The following CPVL variants were observed in gnomAD, a reference collection of about 807,000 sequenced individuals.
The protein encoded by CPVL is carboxypeptidase vitellogenic like, also known as probable serine carboxypeptidase CPVL.
CPVL carries 51 observed loss-of-function variants against 63.7 expected under a neutral mutation model. That is an observed-to-expected ratio of 0.80 (90% CI 0.64 to 1.01). The LOEUF (loss-of-function observed/expected upper bound fraction) is 1.01, where lower values mean the gene tolerates loss of function less well. Among genes scored for constraint, CPVL ranks in the 50% least tolerant of loss-of-function variants. The pLI, the probability that CPVL is intolerant of heterozygous loss-of-function variation, is 0.00. For missense variants in CPVL, 530 were observed against 573.1 expected, an observed-to-expected ratio of 0.92 and a Z score of 0.77; for synonymous variants, 195 against 206.0, an observed-to-expected ratio of 0.95 and a Z score of 0.46.
chr7:29,027,381 A>G (rs1288800467), intron 12 of CPVL, among the ~76,000 whole-genome samples: 4 of 152,170 alleles, frequency 2.6e-5, no homozygotes, highest in Non-Finnish European at 5.9e-5. Context: ...CATACTGAAT[A>G]GGGAAAAGCT....
chr7:29,135,457 G>C (rs1791109777), intron 1 of CPVL, among the ~76,000 whole-genome samples: 1 of 151,556 alleles, frequency 6.6e-6, no homozygotes, highest in Non-Finnish European at 1.5e-5. Context: ...TCAGCCTCCT[G>C]AGTAGCTGGG....
At position 29,194,499 on chromosome 7, in the gene CPVL, C is replaced by T. The variant is rs564068890; in HGVS notation, c.-448+578G>A. On this transcript the variant is annotated intron_variant, in intron 1 of 16. Transcript: ENST00000409850. ...CTGTCCGTCTCCCGCCGCCTCTGCC[C>T]GGTCTACTCGAAGTGCGGCGGGAGA... is the stretch of plus-strand genomic sequence containing the variant. 45 of 163,678 alleles carry T rather than the reference C, an allele frequency of 2.7e-4. 1 individual carries two copies. Among genetic ancestry groups the T allele is most frequent in the Middle Eastern group, 2.9e-3 (1 of 350 alleles). 10.1% of individuals were successfully genotyped at this position (163,678 alleles called of 1,614,324 possible). A position where few individuals can be genotyped will look rare whatever the true frequency, so the allele number is the denominator to read the frequency against.
intron 12 of CPVL, among the ~76,000 whole-genome samples, chr7:29,015,947 T>C (rs317693): frequency 0.089 from 13,472 of 152,222 alleles, 657 homozygotes; most frequent in South Asian, 0.13. Flanking sequence ...AATTGTGGAT[T>C]AAAAAAGTGT....
intron 12 of CPVL, among the ~76,000 whole-genome samples, chr7:29,002,021 A>G (rs1784693317): frequency 6.6e-6 from 1 of 152,210 alleles, no homozygotes; most frequent in African/African-American, 2.4e-5. Flanking sequence ...TCGTAGAGAA[A>G]AGGGAATCAC....
At chr7:29,163,680 C>T (rs908004891) in intron 5 of CPVL, among the ~76,000 whole-genome samples, 3 of 152,226 alleles carry the variant, frequency 2.0e-5, no homozygotes, top group African/African-American at 7.2e-5. Flanking sequence ...CTCATTGCCC[C>T]CAAAAGTTTC....
chr7:29,087,243 G>T (rs964217632), intron 6 of CPVL, among the ~76,000 whole-genome samples: 1 of 151,992 alleles, frequency 6.6e-6, no homozygotes, highest in Non-Finnish European at 1.5e-5. Flanking sequence ...AGCCAACATA[G>T]TGAAACCCCA....
intron 11 of CPVL, among the ~76,000 whole-genome samples, chr7:29,048,758 T>C (rs781324018): frequency 1.1e-4 from 16 of 152,224 alleles, no homozygotes; most frequent in East Asian, 5.8e-4. Context: ...TTCTCCAAGA[T>C]AGACCAAACG....
chr7:29,105,611 C>T (rs1355740682), intron 3 of CPVL, among the ~76,000 whole-genome samples: 2 of 152,138 alleles, frequency 1.3e-5, no homozygotes, highest in African/African-American at 4.8e-5. Flanking sequence ...TCAGTTAAGG[C>T]CCAATCAGAA....
At chr7:29,024,978 T>A (rs1787348006) in intron 12 of CPVL, among the ~76,000 whole-genome samples, 1 of 151,872 alleles carries the variant, frequency 6.6e-6, no homozygotes. Context: ...CAAACCACAA[T>A]GATAAGCAAT....
chr7:29,178,841 A>C (rs997520593), intron 5 of CPVL, among the ~76,000 whole-genome samples: 1 of 152,240 alleles, frequency 6.6e-6, no homozygotes. Context: ...ATAATCAGCC[A>C]ATAAAAATGG....
chr7:29,092,227 G>A (rs550547118), intron 6 of CPVL, among the ~76,000 whole-genome samples: 1 of 147,954 alleles, frequency 6.8e-6, no homozygotes, highest in South Asian at 2.1e-4. Flanking sequence ...AAGAAGAAGA[G>A]AGAATACTAG....
chr7:29,188,843 A>G lies in CPVL; in HGVS notation c.-447-2296T>C, dbSNP rs554976081. On this transcript the variant is annotated intron_variant, in intron 1 of 16. Coordinates refer to the CPVL transcript ENST00000409850. Reference sequence around the variant, plus strand: ...TAATTCCCAAACAGAAATCATTTCTATAGCTATTTTAAAAATTTGTCCCAG... The same window carrying G: ...TAATTCCCAAACAGAAATCATTTCTGTAGCTATTTTAAAAATTTGTCCCAG... Among the ~76,000 whole-genome samples the G allele has an allele frequency of 8.5e-5, 13 of 152,196 alleles. No homozygotes were observed. The East Asian group carries it at 9.7e-4, about 11-fold the overall frequency.
At chr7:29,042,034 T>C (rs980133478) in intron 11 of CPVL, among the ~76,000 whole-genome samples, 1 of 152,148 alleles carries the variant, frequency 6.6e-6, no homozygotes, top group Non-Finnish European at 1.5e-5. Context: ...TGGTATATAC[T>C]GGAAAGAAAA....
At chr7:29,170,654 T>C (rs1796476169) in intron 5 of CPVL, among the ~76,000 whole-genome samples, 1 of 152,244 alleles carries the variant, frequency 6.6e-6, no homozygotes, top group African/African-American at 2.4e-5. Flanking sequence ...CTTTCTGTAA[T>C]ATCTAATCTC....
intron 1 of CPVL, among the ~76,000 whole-genome samples, chr7:29,190,646 G>A (rs928337172): frequency 6.6e-6 from 1 of 152,180 alleles, no homozygotes; most frequent in South Asian, 2.1e-4. Context: ...TTATTCTTAT[G>A]TTTCACCGTT....
intron 5 of CPVL, among the ~76,000 whole-genome samples, chr7:29,180,791 C>T (rs1797972265): frequency 6.6e-6 from 1 of 152,178 alleles, no homozygotes; most frequent in Non-Finnish European, 1.5e-5. Flanking sequence ...AATCCAGGCC[C>T]TGTCACATTC....
chr7:29,182,932 A>G (rs1025728408), intron 4 of CPVL, among the ~76,000 whole-genome samples: 1 of 152,190 alleles, frequency 6.6e-6, no homozygotes, highest in African/African-American at 2.4e-5. Context: ...ATAAACACTC[A>G]GCTGGATTCT....
exon 2 of CPVL, chr7:29,186,508 G>A (rs938464001): frequency 6.6e-6 from 1 of 152,008 alleles, no homozygotes; most frequent in Non-Finnish European, 1.5e-5. Flanking sequence ...GGAGGTAGAG[G>A]CTGTAGCAGT....
In CPVL at chr7:29,100,472, T is replaced by C. The variant is rs1227938125; in HGVS notation, c.289-4255A>G. Among the ~76,000 whole-genome samples the C allele has an allele frequency of 2.0e-5, 3 of 152,178 alleles. No individual in the cohort carries two copies. In the South Asian group the frequency reaches 6.2e-4, roughly 32 times the overall value. ...GGATGGAGAGTTTGCCCTCTAAATA[T>C]CTCAGGCCTCTGGTCTCCAGCCTGT... On this transcript the variant is annotated intron_variant, in intron 3 of 12. Transcript: ENST00000265394.
Sources: allele counts gnomAD v4.1 joint callset (sites outside exome capture counted in the v4.1 genomes callset), GRCh38; gene constraint gnomAD v4.1.1; transcripts MANE v1.5; gene names NCBI Gene and HGNC (gene_info 2026-07-23, HGNC 2026-07-21).